The following MLLT3 variants were observed in gnomAD, a reference collection of about 807,000 sequenced individuals.
MLLT3 encodes MLLT3 super elongation complex subunit.
A neutral mutation model predicts 53.2 loss-of-function variants in MLLT3; 4 were observed. The ratio of observed to expected loss-of-function variants is 0.08; its 90% confidence interval spans 0.04 to 0.17. MLLT3 has a LOEUF of 0.17. Ranked by LOEUF, MLLT3 falls within the 10% of genes least tolerant of loss-of-function variation. MLLT3 has a pLI of 1.00. For synonymous variants in MLLT3, 283 were observed against 230.6 expected, an observed-to-expected ratio of 1.23 and a Z score of -2.06; for missense variants, 569 against 684.0, an observed-to-expected ratio of 0.83 and a Z score of 1.87.
chr9:20,585,892 AT>A (rs1819945444), intron 2 of MLLT3, among the ~76,000 whole-genome samples: 1 of 152,298 alleles, frequency 6.6e-6, no homozygotes, highest in South Asian at 2.1e-4. Context: ...GACTGCTATA[AT>A]TGAGGGAGAA....
intron 10 of MLLT3, among the ~76,000 whole-genome samples, chr9:20,350,544 G>C (rs918330295): frequency 6.9e-6 from 1 of 144,510 alleles, no homozygotes; most frequent in South Asian, 2.2e-4. Context: ...GCAGTGAGCC[G>C]AGATCCCGCC....
intron 5 of MLLT3, among the ~76,000 whole-genome samples, chr9:20,397,210 T>C (rs1444297175): frequency 6.6e-6 from 1 of 152,156 alleles, no homozygotes; most frequent in Non-Finnish European, 1.5e-5. Context: ...GAAAGCATAT[T>C]TTTTCAAGGG....
intron 10 of MLLT3, 54 bp downstream of exon 10, chr9:20,353,471 A>AGGTGCTAT (rs1821087845): frequency 2.2e-5 from 34 of 1,513,444 alleles, no homozygotes; most frequent in Non-Finnish European, 2.9e-5. Context: ...CTACTGCAGG[A>AGGTGCTAT]CAAACCAAGT....
intron 2 of MLLT3, among the ~76,000 whole-genome samples, chr9:20,566,819 G>A (rs1819388789): frequency 6.6e-6 from 1 of 152,120 alleles, no homozygotes; most frequent in Admixed American, 6.6e-5. Flanking sequence ...GAGGGCATCT[G>A]AACCTAGGGC....
At chr9:20,452,088 C>T (rs1823853872) in intron 3 of MLLT3, among the ~76,000 whole-genome samples, 1 of 152,178 alleles carries the variant, frequency 6.6e-6, no homozygotes, top group South Asian at 2.1e-4. Context: ...GACAGGATAT[C>T]TTTAATACGT....
intron 10 of MLLT3, among the ~76,000 whole-genome samples, chr9:20,352,470 T>C (rs892844518): frequency 6.6e-6 from 1 of 152,190 alleles, no homozygotes; most frequent in African/African-American, 2.4e-5. Flanking sequence ...CCACCACTCA[T>C]GGTAGGCCAC....
intron 2 of MLLT3, among the ~76,000 whole-genome samples, chr9:20,459,158 T>C (rs1824046049): frequency 6.6e-6 from 1 of 152,196 alleles, no homozygotes; most frequent in East Asian, 1.9e-4. Flanking sequence ...TACCTGGAAA[T>C]TGGTTAGACA....
intron 2 of MLLT3, among the ~76,000 whole-genome samples, chr9:20,558,371 G>T (rs1819115352): frequency 6.6e-6 from 1 of 152,110 alleles, no homozygotes. Flanking sequence ...AACCTCAAGT[G>T]ATCTGCCTGC....
chr9:20,452,756 G>A (rs545524474), intron 3 of MLLT3, among the ~76,000 whole-genome samples: 1 of 152,252 alleles, frequency 6.6e-6, no homozygotes, highest in Admixed American at 6.5e-5. Flanking sequence ...TCAGAAAGAT[G>A]AGTACTGTCT....
At chr9:20,509,251 T>A (rs972340202) in intron 2 of MLLT3, among the ~76,000 whole-genome samples, 2 of 152,198 alleles carry the variant, frequency 1.3e-5, no homozygotes, top group African/African-American at 4.8e-5. Context: ...AAGATGGCAA[T>A]CTTTTTGTTT....
At chr9:20,382,935 T>C (rs1006064880) in intron 5 of MLLT3, among the ~76,000 whole-genome samples, 1 of 151,892 alleles carries the variant, frequency 6.6e-6, no homozygotes, top group African/African-American at 2.4e-5. Flanking sequence ...CTATCAGTAA[T>C]AGCACACACT....
At chr9:20,612,330 G>T (rs996160502) in intron 2 of MLLT3, among the ~76,000 whole-genome samples, 2 of 152,114 alleles carry the variant, frequency 1.3e-5, no homozygotes, top group African/African-American at 4.8e-5. Context: ...ACTGAAGGCA[G>T]GGACCTCCTC....
chr9:20,615,352 G>C (rs373555583), intron 2 of MLLT3, among the ~76,000 whole-genome samples: 1 of 89,050 alleles, frequency 1.1e-5, no homozygotes, highest in Non-Finnish European at 2.0e-5. Context: ...GACAGGGCCA[G>C]ACCATGTGAA....
In MLLT3 at chr9:20,385,031, C is replaced by G. The variant is rs143580602; in HGVS notation, c.1126-19287G>C. Reference sequence around the variant, plus strand: ...CTTGCAGAAAAGTAAAAAGTTACCTCTAGACTCAGACTGAAAAGTTACAAA... The same window carrying G: ...CTTGCAGAAAAGTAAAAAGTTACCTGTAGACTCAGACTGAAAAGTTACAAA... On this transcript the variant is annotated intron_variant, in intron 5 of 10. Coordinates refer to ENST00000380338, the MANE Select transcript of MLLT3 (RefSeq NM_004529.4). Among the ~76,000 whole-genome samples, 700 of 152,130 alleles carry G rather than the reference C, an allele frequency of 4.6e-3. 4 individuals are homozygous for G. Among genetic ancestry groups the G allele is most frequent in the Middle Eastern group, 0.01 (3 of 294 alleles).
intron 5 of MLLT3, among the ~76,000 whole-genome samples, chr9:20,386,463 T>C (rs1462325235): frequency 6.6e-6 from 1 of 152,188 alleles, no homozygotes. Context: ...GTAGCTTTGC[T>C]AAAGAAAGAC....
chr9:20,349,784 A>G (rs749063481), intron 10 of MLLT3, among the ~76,000 whole-genome samples: 1 of 152,106 alleles, frequency 6.6e-6, no homozygotes, highest in Non-Finnish European at 1.5e-5. Context: ...CTCCTCTATC[A>G]CCATGTTGTG....
chr9:20,454,078 T>C (rs978356900), intron 3 of MLLT3, among the ~76,000 whole-genome samples: 2 of 152,186 alleles, frequency 1.3e-5, no homozygotes, highest in Admixed American at 1.3e-4. Flanking sequence ...AAGGAAGAGA[T>C]GTTTTTCATC....
chr9:20,530,218 T>G (rs1442068482), intron 2 of MLLT3, among the ~76,000 whole-genome samples: 1 of 152,206 alleles, frequency 6.6e-6, no homozygotes, highest in East Asian at 1.9e-4. Flanking sequence ...ATTTCACAAA[T>G]GAAGGAAGAT....
intron 2 of MLLT3, among the ~76,000 whole-genome samples, chr9:20,463,774 T>C (rs1036367359): frequency 6.6e-6 from 1 of 152,162 alleles, no homozygotes; most frequent in Non-Finnish European, 1.5e-5. Flanking sequence ...TCTTGAGACT[T>C]GTATTCCAAG....
Sources: allele counts gnomAD v4.1 joint callset (sites outside exome capture counted in the v4.1 genomes callset), GRCh38; gene constraint gnomAD v4.1.1; transcripts MANE v1.5; gene names NCBI Gene and HGNC (gene_info 2026-07-23, HGNC 2026-07-21).